The following KDM4C variants were observed in gnomAD, a reference collection of about 807,000 sequenced individuals.
KDM4C encodes lysine-specific demethylase 4C.
A neutral mutation model predicts 129.3 loss-of-function variants in KDM4C; 81 were observed. The observed-to-expected ratio is 0.63, with a 90% CI of 0.52 to 0.75. KDM4C has a LOEUF of 0.75. KDM4C is among the 30% of genes least tolerant of loss of function. The pLI, the probability that KDM4C is intolerant of heterozygous loss-of-function variation, is 0.00. For synonymous variants in KDM4C, 573 were observed against 456.1 expected (o/e 1.26, Z -3.26); for missense variants, 1,457 against 1,304.0 (o/e 1.12, Z -1.81).
rs1333790386 is a variant in KDM4C, at chr9:6,889,017, C to T, written c.783+954C>T. ...TTTAGCCGGGATGGCCTCGATCTCC[C>T]GACCTCGTGATCCGCCCGCCTCGGC... On this transcript the variant is annotated intron_variant, in intron 7 of 21. Coordinates refer to ENST00000381309, the MANE Select transcript of KDM4C (RefSeq NM_015061.6). 7.1e-4 allele frequency among the ~76,000 whole-genome samples: 23 copies of T among 32,386 alleles called. 6 individuals carry two copies. Among genetic ancestry groups the T allele is most frequent in the Admixed American group, 1.3e-3 (6 of 4,474 alleles). 21.2% of individuals were successfully genotyped at this position (32,386 alleles called of 152,430 possible). A position where few individuals can be genotyped will look rare whatever the true frequency, so the allele number is the denominator to read the frequency against.
chr9:6,876,124 G>T (rs1843515079), intron 5 of KDM4C, among the ~76,000 whole-genome samples: 2 of 152,278 alleles, frequency 1.3e-5, no homozygotes, highest in South Asian at 4.2e-4. Flanking sequence ...TTATGTGCCT[G>T]TCTGACCCTT....
At chr9:7,104,022 A>C in intron 18 of KDM4C, 152 bp downstream of exon 18, 2 of 682,316 alleles carry the variant, frequency 2.9e-6, no homozygotes, top group Non-Finnish European at 4.9e-6. Flanking sequence ...GGGATTGCGC[A>C]CTGTTATTTC....
At chr9:7,034,292 A>T (rs2132398993) in intron 15 of KDM4C, among the ~76,000 whole-genome samples, 1 of 152,346 alleles carries the variant, frequency 6.6e-6, no homozygotes. Flanking sequence ...TAGACCACAG[A>T]AATATAGAAC....
At chr9:6,803,805 CGTT>C (rs922676023) in intron 2 of KDM4C, among the ~76,000 whole-genome samples, 4 of 150,204 alleles carry the variant, frequency 2.7e-5, no homozygotes, top group African/African-American at 9.7e-5. Flanking sequence ...TGCTTCATGA[CGTT>C]GTACGTTCTA....
chr9:6,965,448 T>G (rs1830790181), intron 8 of KDM4C, among the ~76,000 whole-genome samples: 1 of 152,182 alleles, frequency 6.6e-6, no homozygotes. Context: ...TTGTTAGGGT[T>G]CTCCAGACTA....
chr9:6,938,193 A>G (rs1054956370), intron 8 of KDM4C, among the ~76,000 whole-genome samples: 1 of 152,046 alleles, frequency 6.6e-6, no homozygotes, highest in South Asian at 2.1e-4. Flanking sequence ...ATGAATGTGT[A>G]TATAATATTT....
intron 8 of KDM4C, among the ~76,000 whole-genome samples, chr9:6,950,291 G>C (rs1386402885): frequency 1.3e-5 from 2 of 151,926 alleles, no homozygotes; most frequent in Admixed American, 6.6e-5. Context: ...TTTTTCCCTT[G>C]TGTTTGTTAA....
intron 1 of KDM4C, among the ~76,000 whole-genome samples, chr9:6,724,788 C>G (rs1273483452): frequency 1.3e-5 from 2 of 152,152 alleles, no homozygotes; most frequent in Admixed American, 6.6e-5. Flanking sequence ...CTCGGCCTCC[C>G]AAAGTGCTGG....
rs912996380 is a variant in KDM4C at position 6,835,418 on chromosome 9, G to A, written c.436-14089G>A. ...AAGGAGATCACCGCCCTGGCGCCCA[G>A]CACGATGAAGATCAAGATCATTGCT... On this transcript the variant is annotated intron_variant, in intron 4 of 21. Transcript: ENST00000381309. The A allele has an allele frequency of 5.4e-5, 63 of 1,166,032 alleles. 1 individual carries two copies. In the African/African-American group the frequency reaches 9.1e-4, roughly 17 times the overall value. The allele number at this position is 1,166,032 out of a possible 1,614,324, so 72.2% of individuals were successfully genotyped here.
chr9:6,874,728 G>T (rs555013373), intron 5 of KDM4C, among the ~76,000 whole-genome samples: 1 of 152,250 alleles, frequency 6.6e-6, no homozygotes, highest in Admixed American at 6.5e-5. Flanking sequence ...AGGCAACATA[G>T]CTCTGGGTAA....
intron 8 of KDM4C, among the ~76,000 whole-genome samples, chr9:6,933,233 T>G (rs754910262): frequency 6.6e-6 from 1 of 152,190 alleles, no homozygotes; most frequent in South Asian, 2.1e-4. Flanking sequence ...TTCAAAAGCC[T>G]TTAGTAGAAT....
chr9:7,076,168 C>A (rs1476383592), intron 17 of KDM4C, among the ~76,000 whole-genome samples: 3 of 152,058 alleles, frequency 2.0e-5, no homozygotes, highest in Non-Finnish European at 2.9e-5. Context: ...AATAAACCAA[C>A]AGCAAGAACA....
intron 5 of KDM4C, among the ~76,000 whole-genome samples, chr9:6,872,001 G>A (rs1842880527): frequency 6.6e-6 from 1 of 152,212 alleles, no homozygotes. Flanking sequence ...AGGCTTCAAA[G>A]TGGTGGAATC....
At chr9:6,931,596 G>A (rs891668256) in intron 8 of KDM4C, among the ~76,000 whole-genome samples, 2 of 152,082 alleles carry the variant, frequency 1.3e-5, no homozygotes, top group Non-Finnish European at 2.9e-5. Context: ...CATCACCCAA[G>A]CTCAATCAGT....
chr9:7,102,997 T>C (rs1196096036), intron 17 of KDM4C, among the ~76,000 whole-genome samples: 1 of 152,228 alleles, frequency 6.6e-6, no homozygotes, highest in Non-Finnish European at 1.5e-5. Context: ...GTAATCATTA[T>C]TGCTGTTTTT....
chr9:7,018,585 C>A (rs1201753156), intron 15 of KDM4C, among the ~76,000 whole-genome samples: 1 of 152,224 alleles, frequency 6.6e-6, no homozygotes. Context: ...TAGAGATTAT[C>A]TGATCAGCTC....
intron 12 of KDM4C, among the ~76,000 whole-genome samples, chr9:7,002,846 A>G (rs941144297): frequency 3.9e-5 from 6 of 152,210 alleles, no homozygotes; most frequent in African/African-American, 1.2e-4. Flanking sequence ...TGTCTGTTCA[A>G]TTCCAAAGTT....
chr9:6,964,427 T>C (rs1830552025), intron 8 of KDM4C, among the ~76,000 whole-genome samples: 1 of 152,206 alleles, frequency 6.6e-6, no homozygotes, highest in Non-Finnish European at 1.5e-5. Flanking sequence ...ACTCATCCTT[T>C]TTTTATGGCT....
At chr9:7,111,959 G>A (rs1838369123) in intron 18 of KDM4C, among the ~76,000 whole-genome samples, 1 of 152,092 alleles carries the variant, frequency 6.6e-6, no homozygotes, top group South Asian at 2.1e-4. Context: ...GGAGAAGATT[G>A]TTTTGGGGAG....
Sources: allele counts gnomAD v4.1 joint callset (sites outside exome capture counted in the v4.1 genomes callset), GRCh38; gene constraint gnomAD v4.1.1; transcripts MANE v1.5; gene names NCBI Gene and HGNC (gene_info 2026-07-23, HGNC 2026-07-21).